ERP44: variants seen among roughly 807,000 people sequenced by gnomAD.
ERP44 encodes endoplasmic reticulum protein 44, also known as endoplasmic reticulum resident protein 44.
In ERP44, 25 loss-of-function variants were observed where a neutral mutation model predicts 53.4. The observed-to-expected ratio is 0.47, with a 90% confidence interval of 0.34 to 0.65. The LOEUF (loss-of-function observed/expected upper bound fraction) is 0.65, where lower values mean the gene tolerates loss of function less well. ERP44 is among the 30% of genes least tolerant of loss of function. ERP44 has a pLI of 0.01. For synonymous variants in ERP44, 145 were observed against 161.2 expected, an observed-to-expected ratio of 0.90 and a Z score of 0.76; for missense variants, 338 against 493.2, an observed-to-expected ratio of 0.69 and a Z score of 2.98.
chr9:100,067,768 T>C (rs1486985948), intron 1 of ERP44, among the ~76,000 whole-genome samples: 8 of 130,738 alleles, frequency 6.1e-5, no homozygotes, highest in African/African-American at 1.5e-4. Flanking sequence ...CCGGCCGCCA[T>C]CCCATCTGGG....
intron 10 of ERP44, among the ~76,000 whole-genome samples, chr9:100,005,936 T>A (rs758769215): frequency 3.3e-5 from 5 of 152,244 alleles, no homozygotes; most frequent in Non-Finnish European, 5.9e-5. Context: ...AAATTCAGTA[T>A]CTGTAGTAGC....
intron 1 of ERP44, among the ~76,000 whole-genome samples, chr9:100,082,755 GA>G (rs5899401): frequency 0.46 from 67,510 of 146,764 alleles, 16,570 homozygotes; most frequent in East Asian, 0.9. Flanking sequence ...CCTACTGTAG[GA>G]AAAAAAAAAA....
At chr9:100,068,505 G>A (rs1826257494) in intron 1 of ERP44, among the ~76,000 whole-genome samples, 1 of 138,256 alleles carries the variant, frequency 7.2e-6, no homozygotes, top group Non-Finnish European at 1.6e-5. Context: ...CAGCCGCCCC[G>A]TCCGGGAGGG....
At chr9:100,068,973 G>C (rs1460267135) in intron 1 of ERP44, among the ~76,000 whole-genome samples, 4 of 152,228 alleles carry the variant, frequency 2.6e-5, no homozygotes, top group Non-Finnish European at 1.5e-5. Flanking sequence ...GTGGGATCCT[G>C]TGGATCTGTG....
intron 1 of ERP44, among the ~76,000 whole-genome samples, chr9:100,078,760 C>G (rs1024347411): frequency 4.7e-5 from 7 of 148,272 alleles, no homozygotes; most frequent in African/African-American, 7.5e-5. Flanking sequence ...TCTCAAAAAA[C>G]AAAAAAAGAA....
intron 1 of ERP44, among the ~76,000 whole-genome samples, chr9:100,085,698 G>A (rs183216067): frequency 2.1e-4 from 32 of 152,300 alleles, no homozygotes; most frequent in African/African-American, 7.2e-4. Flanking sequence ...TCAGGAGTTC[G>A]AGACCAGCCT....
At chr9:100,067,264 C>T (rs1195984615) in intron 1 of ERP44, among the ~76,000 whole-genome samples, 1 of 152,226 alleles carries the variant, frequency 6.6e-6, no homozygotes, top group Admixed American at 6.5e-5. Context: ...TGTACTGCTG[C>T]CATCTCGGCT....
In ERP44 at chr9:100,093,089, A is replaced by G. The variant is rs141513706; in HGVS notation, c.57+5695T>C. ...TTTATAACTGTGAAAAACTTGAAAT[A>G]ACCAGTAACCAAAATGTCTTAACAA... On this transcript the variant is annotated intron_variant, in intron 1 of 11. Coordinates refer to ENST00000262455, the MANE Select transcript of ERP44 (RefSeq NM_015051.3). 1.1e-3 allele frequency among the ~76,000 whole-genome samples: 166 copies of G among 152,352 alleles called. 1 individual carries two copies. In the Middle Eastern group the frequency reaches 0.014, roughly 12 times the overall value.
intron 1 of ERP44, among the ~76,000 whole-genome samples, chr9:100,092,814 T>A (rs1446681788): frequency 2.0e-5 from 3 of 152,210 alleles, no homozygotes; most frequent in African/African-American, 2.4e-5. Context: ...CCATTTTTGG[T>A]CTAGTAAATT....
chr9:100,016,498 A>ATT, intron 7 of ERP44, 60 bp from the exon 8 acceptor site: 1 of 1,490,662 alleles, frequency 6.7e-7, no homozygotes, highest in Non-Finnish European at 8.9e-7. Context: ...GTATATTCTT[A>ATT]TTTTTTTTCT....
chr9:100,044,293 G>A (rs1825944663), intron 4 of ERP44, among the ~76,000 whole-genome samples: 1 of 151,958 alleles, frequency 6.6e-6, no homozygotes, highest in Admixed American at 6.6e-5. Flanking sequence ...GGAATAGAAA[G>A]GTAAAAACAT....
chr9:100,075,463 C>T (rs535176237), intron 1 of ERP44, among the ~76,000 whole-genome samples: 65 of 152,302 alleles, frequency 4.3e-4, no homozygotes, highest in African/African-American at 1.4e-3. Context: ...TAATCTTATT[C>T]GGAGAGACCC....
chr9:99,984,418 A>G (rs541164492), intron 11 of ERP44, among the ~76,000 whole-genome samples: 1 of 152,322 alleles, frequency 6.6e-6, no homozygotes, highest in East Asian at 1.9e-4. Context: ...TCAGGTAAAA[A>G]AAAACATAAA....
Position 100,060,091 on chromosome 9 carries a change from G to C in ERP44, c.130+9C>G, listed in dbSNP as rs201827335. On this transcript the variant is annotated intron_variant, in intron 2 of 11. Transcript: ENST00000262455. ...AAAGAGTACACTTTAAAAATATTGA[G>C]GTACTTACTTAAAATTTCATCTATA... 2.8e-6 allele frequency: 4 copies of C among 1,440,314 alleles called. No individual in the cohort carries two copies. In the East Asian group the frequency reaches 1.1e-4, roughly 39 times the overall value. The allele number at this position is 1,440,314 out of a possible 1,614,324, so 89.2% of individuals were successfully genotyped here.
chr9:100,008,297 A>G (rs1478519670), intron 8 of ERP44, among the ~76,000 whole-genome samples: 1 of 152,138 alleles, frequency 6.6e-6, no homozygotes, highest in Non-Finnish European at 1.5e-5. Flanking sequence ...ATAAATACCT[A>G]CCCCTATATA....
At chr9:100,015,743 C>T (rs1194212166) in intron 8 of ERP44, among the ~76,000 whole-genome samples, 1 of 152,208 alleles carries the variant, frequency 6.6e-6, no homozygotes, top group Non-Finnish European at 1.5e-5. Flanking sequence ...AATTTTTCCA[C>T]TGATCAGGGT....
At chr9:100,019,406 A>G (rs544482114) in intron 6 of ERP44, among the ~76,000 whole-genome samples, 1 of 152,298 alleles carries the variant, frequency 6.6e-6, no homozygotes, top group Admixed American at 6.5e-5. Context: ...GATAATGCGC[A>G]CAATAAAACA....
intron 10 of ERP44, among the ~76,000 whole-genome samples, chr9:99,990,780 CAG>C (rs1440300920): frequency 6.6e-6 from 1 of 152,036 alleles, no homozygotes; most frequent in East Asian, 1.9e-4. Context: ...ATCTCACGTG[CAG>C]AGACACACAT....
intron 9 of ERP44, 151 bp downstream of exon 9, chr9:100,007,427 G>T: frequency 1.7e-6 from 1 of 576,402 alleles, no homozygotes; most frequent in South Asian, 2.1e-5. Context: ...CTCTACTAAT[G>T]CCTCCTTACC....
Sources: gnomAD v4.1 joint callset for allele counts (sites outside exome capture counted in the v4.1 genomes callset) on GRCh38, gnomAD v4.1.1 for gene constraint, MANE v1.5 for transcripts, NCBI Gene and HGNC (gene_info 2026-07-23, HGNC 2026-07-21) for gene names.